Variants in FLVCR1 observed in about 807,000 individuals in gnomAD.
The protein encoded by FLVCR1 is choline/ethanolamine transporter FLVCR1.
Under a neutral mutation model 53.6 loss-of-function variants are expected in FLVCR1, and 34 were observed. That is an observed-to-expected ratio of 0.63 (90% CI 0.48 to 0.84). The LOEUF is 0.84. Ranked by LOEUF, FLVCR1 falls within the 40% of genes least tolerant of loss-of-function variation. FLVCR1 has a pLI of 0.00. For synonymous variants in FLVCR1, 300 were observed against 286.3 expected (o/e 1.05, Z -0.48); for missense variants, 677 against 696.7 (o/e 0.97, Z 0.32).
chr1:212,860,408 G>A (rs373611588), intron 1 of FLVCR1, among the ~76,000 whole-genome samples: 14 of 121,720 alleles, frequency 1.2e-4, no homozygotes, highest in East Asian at 5.5e-4. Flanking sequence ...TGCTTGTCTC[G>A]AACTGCTGAG....
intron 1 of FLVCR1, among the ~76,000 whole-genome samples, chr1:212,862,550 A>G (rs553769962): frequency 5.9e-5 from 9 of 152,354 alleles, no homozygotes; most frequent in Non-Finnish European, 1.2e-4. Flanking sequence ...GTATGAATAT[A>G]CCACATTTTG....
chr1:212,858,749 C>T lies in FLVCR1; in HGVS notation c.297C>T (p.Pro99=). The T allele has an allele frequency of 1.9e-6, 3 of 1,613,314 alleles. No individual in the cohort carries two copies. The highest frequency in any genetic ancestry group is 2.2e-5 in the East Asian group (1 of 44,852). Reference sequence around the variant, plus strand: ...CGGGGGCCGAGAGCAGCCCGCTGCCCCTTACGGCGCTCTCCCCGCGGCGCT... The same window carrying T: ...CGGGGGCCGAGAGCAGCCCGCTGCCTCTTACGGCGCTCTCCCCGCGGCGCT... ...ETPGAESSPL[P]LTALSPRRFV... is the part of the protein sequence containing the mutation. The change falls in exon 1 of 10, where the codon CCC becomes CCT. Residue 99 remains proline (P), a synonymous_variant. Coordinates refer to ENST00000366971, the MANE Select transcript of FLVCR1 (RefSeq NM_014053.4).
intron 2 of FLVCR1, among the ~76,000 whole-genome samples, chr1:212,866,493 T>G (rs956266788): frequency 2.7e-5 from 4 of 145,804 alleles, no homozygotes; most frequent in African/African-American, 1.0e-4. Flanking sequence ...TTTTTTTAAA[T>G]CCTCTTCAAT....
intron 1 of FLVCR1, among the ~76,000 whole-genome samples, chr1:212,860,781 T>C (rs1412668259): frequency 6.6e-6 from 1 of 152,174 alleles, no homozygotes; most frequent in Non-Finnish European, 1.5e-5. Flanking sequence ...CATAAAACCA[T>C]GTTGAATAAA....
intron 8 of FLVCR1, among the ~76,000 whole-genome samples, chr1:212,893,821 G>A (rs1488183435): frequency 1.3e-5 from 2 of 152,138 alleles, no homozygotes; most frequent in East Asian, 3.9e-4. Context: ...TGTTGCCCAG[G>A]CTGGAGTGGA....
chr1:212,884,950 T>C (rs777348469), intron 4 of FLVCR1, among the ~76,000 whole-genome samples: 14 of 152,228 alleles, frequency 9.2e-5, no homozygotes, highest in Non-Finnish European at 1.5e-4. Flanking sequence ...ATACTGTATA[T>C]ATGATTCAGA....
At chr1:212,873,168 C>T (rs1191302015) in intron 3 of FLVCR1, among the ~76,000 whole-genome samples, 1 of 151,962 alleles carries the variant, frequency 6.6e-6, no homozygotes, top group South Asian at 2.1e-4. Context: ...CAAAAATCAG[C>T]TGGGCATGGT....
chr1:212,893,632 C>T (rs979805507), intron 8 of FLVCR1, among the ~76,000 whole-genome samples: 2 of 152,116 alleles, frequency 1.3e-5, no homozygotes, highest in Admixed American at 6.5e-5. Context: ...AAGAAATTGC[C>T]ACAGCCGCTC....
intron 9 of FLVCR1, 45 bp from the exon 10 acceptor site, chr1:212,895,171 T>C: frequency 6.8e-7 from 1 of 1,474,752 alleles, no homozygotes; most frequent in Non-Finnish European, 9.5e-7. Flanking sequence ...TATAATAGGA[T>C]ATGCCAGATG....
chr1:212,867,979 A>G (rs182868764), intron 2 of FLVCR1, among the ~76,000 whole-genome samples: 188 of 151,674 alleles, frequency 1.2e-3, no homozygotes, highest in Middle Eastern at 3.4e-3. Context: ...AATTTTTTGT[A>G]TTTTTAGTAG....
rs745546439 is a variant in FLVCR1, at chr1:212,895,016, A to T, written c.1556A>T (p.Asn519Ile). The T allele has an allele frequency of 6.2e-7, 1 of 1,602,788 alleles. No individual in the cohort carries two copies. The highest frequency in any genetic ancestry group is 2.2e-5 in the East Asian group (1 of 44,750). ...ALIKSDLRRHNINIGITNVDV... is the reference protein window; with the variant it reads ...ALIKSDLRRHIINIGITNVDV... Reference sequence around the variant, plus strand: ...ATCAAGTCTGATCTGCGAAGACACAACATAAATATAGGAATTACAAATGTT... The same window carrying T: ...ATCAAGTCTGATCTGCGAAGACACATCATAAATATAGGAATTACAAATGTT... The change falls in exon 9 of 10, where the codon AAC (asparagine) becomes ATC (isoleucine). Residue 519 changes from asparagine to isoleucine, a missense_variant. Asn to Ile is a moderately radical substitution (Grantham distance 149). Transcript: ENST00000366971.
chr1:212,875,088 G>T (rs761527663), intron 3 of FLVCR1, among the ~76,000 whole-genome samples: 4 of 151,850 alleles, frequency 2.6e-5, no homozygotes, highest in African/African-American at 2.4e-5. Flanking sequence ...GTTCATTTTC[G>T]TGTTCATTCT....
intron 6 of FLVCR1, 75 bp downstream of exon 6, chr1:212,888,076 A>G: frequency 1.1e-6 from 1 of 897,636 alleles, no homozygotes; most frequent in South Asian, 1.4e-5. Context: ...CTGGTCTTTA[A>G]TTTTTTCAGT....
At chr1:212,886,598 G>T (rs1475425323) in intron 5 of FLVCR1, among the ~76,000 whole-genome samples, 6 of 151,984 alleles carry the variant, frequency 3.9e-5, no homozygotes, top group Admixed American at 1.3e-4. Context: ...CCAGGAGTTC[G>T]AGACCAGCTT....
At chr1:212,879,589 T>C (rs1195728723) in intron 3 of FLVCR1, among the ~76,000 whole-genome samples, 1 of 152,186 alleles carries the variant, frequency 6.6e-6, no homozygotes, top group Non-Finnish European at 1.5e-5. Flanking sequence ...CTTTATAGAC[T>C]CTGTTGACCA....
In FLVCR1 at chr1:212,858,437, C is replaced by G; in HGVS notation, c.-16C>G. On this transcript the variant is annotated 5_prime_UTR_variant, in exon 1 of 10. Transcript: ENST00000366971. ...AGTGGGGCGGGGGAGCGAGGTGGCG[C>G]CGGGGAGCCTGGGATATGGCGCGGC... 7.0e-7 allele frequency: 1 copy of G among 1,431,844 alleles called. No homozygotes were observed. The highest frequency in any genetic ancestry group is 9.1e-7 in the Non-Finnish European group (1 of 1,098,040). 88.7% of individuals were successfully genotyped at this position (1,431,844 alleles called of 1,614,324 possible). A position where few individuals can be genotyped will look rare whatever the true frequency, so the allele number is the denominator to read the frequency against.
chr1:212,863,444 C>T (rs1293723639), intron 1 of FLVCR1, among the ~76,000 whole-genome samples: 1 of 152,034 alleles, frequency 6.6e-6, no homozygotes, highest in Non-Finnish European at 1.5e-5. Flanking sequence ...CAAAAATTAG[C>T]TGGGCGTTGT....
At chr1:212,872,529 C>A in intron 2 of FLVCR1, 149 bp from the exon 3 acceptor site, 1 of 576,882 alleles carries the variant, frequency 1.7e-6, no homozygotes, top group Non-Finnish European at 3.0e-6. Context: ...AATGAAAACC[C>A]TTACCATAAA....
intron 9 of FLVCR1, 54 bp from the exon 10 acceptor site, chr1:212,895,162 A>T: frequency 6.9e-7 from 1 of 1,451,408 alleles, no homozygotes; most frequent in Non-Finnish European, 9.7e-7. Context: ...TTGATCTGTT[A>T]TAATAGGATA....
Sources: gnomAD v4.1 joint callset for allele counts (sites outside exome capture counted in the v4.1 genomes callset) on GRCh38, gnomAD v4.1.1 for gene constraint, MANE v1.5 for transcripts, NCBI Gene and HGNC (gene_info 2026-07-23, HGNC 2026-07-21) for gene names.